SACS: variants seen among roughly 807,000 people sequenced by gnomAD.
SACS encodes sacsin molecular chaperone.
Under a neutral mutation model 348.0 loss-of-function variants are expected in SACS, and 197 were observed. The ratio of observed to expected loss-of-function variants is 0.57; its 90% confidence interval spans 0.50 to 0.64. The LOEUF is 0.64. Ranked by LOEUF, SACS falls within the 30% of genes least tolerant of loss-of-function variation. The probability of loss-of-function intolerance (pLI) is 0.00; values close to 1 mark genes in which losing one functional copy is unlikely to be tolerated. For missense variants in SACS, 4,999 were observed against 5,360.8 expected (o/e 0.93, Z 2.11); for synonymous variants, 1,985 against 1,910.6 (o/e 1.04, Z -1.02).
rs1192682879 is a variant in SACS, at chr13:23,340,176, A to T, written c.3700T>A (p.Trp1234Arg). The part of the protein sequence containing the change: ...VLKHFKIVVD[W>R]YSSKTFSDED... ...TCACTAAAGGTTTTTGAAGAATACCAATCAACAACAATTTTAAAGTGTTTT... is the reference window on the plus strand; with the variant it reads ...TCACTAAAGGTTTTTGAAGAATACCTATCAACAACAATTTTAAAGTGTTTT... The change falls in exon 10 of 10, where the codon TGG becomes AGG. Residue 1234 changes from tryptophan (W) to arginine (R), a missense_variant. Trp to Arg is a moderately radical substitution (Grantham distance 101). This residue lies in a region of SACS where 3,156 missense variants were observed against 3,380.1 expected (regional missense o/e 0.93). Coordinates refer to ENST00000382292, the MANE Select transcript of SACS (RefSeq NM_014363.6). 3 of 1,612,942 alleles carry T rather than the reference A, an allele frequency of 1.9e-6. No homozygotes were observed. Among genetic ancestry groups the T allele is most frequent in the Non-Finnish European group, 2.5e-6 (3 of 1,179,328 alleles).
Position 23,339,018 on chromosome 13 carries a change from G to C in SACS, c.4858C>G (p.Pro1620Ala). ...RLRKFPNQFK[P>A]FIDVFGCQLP... ...TGACAGCCAAATACATCTATAAATG[G>C]TTTGAACTGATTAGGAAATTTTCTA... Residue 1620 changes from proline (P) to alanine (A), a missense_variant, in exon 10 of 10, where the codon CCA becomes GCA. Physicochemically the swap from Pro to Ala is conservative, Grantham distance 27. This residue lies in a region of SACS where 3,156 missense variants were observed against 3,380.1 expected (regional missense o/e 0.93). Coordinates refer to ENST00000382292, the MANE Select transcript of SACS (RefSeq NM_014363.6). The C allele has an allele frequency of 6.2e-7, 1 of 1,613,752 alleles. No homozygotes were observed. The highest frequency in any genetic ancestry group is 2.2e-5 in the East Asian group (1 of 44,872).
intron 2 of SACS, among the ~76,000 whole-genome samples, chr13:23,385,835 G>C (rs1408060478): frequency 1.3e-5 from 2 of 152,214 alleles, no homozygotes; most frequent in Non-Finnish European, 2.9e-5. Context: ...GTGGGCTGCA[G>C]AATGGATGCT....
chr13:23,341,761 AAC>A (rs1160541539), intron 9 of SACS, 71 bp from the exon 10 acceptor site: 7 of 1,253,440 alleles, frequency 5.6e-6, no homozygotes, highest in East Asian at 2.4e-5. Context: ...TCTCACAAAT[AAC>A]ACAGTACTGG....
Position 23,355,413 on chromosome 13 carries a change from C to A in SACS, c.1199G>T (p.Gly400Val). 1 of 1,614,132 alleles carries A rather than the reference C, an allele frequency of 6.2e-7. No homozygotes were observed. Among genetic ancestry groups the A allele is most frequent in the Non-Finnish European group, 8.5e-7 (1 of 1,180,036 alleles). Residue 400 changes from glycine to valine, a missense_variant, in exon 8 of 10, where the codon GGG (glycine) becomes GTG (valine). Around this residue, in one of 6 missense-constraint regions of SACS, gnomAD observed 3,156 missense variants for 3,380.1 expected, o/e 0.93. Coordinates refer to ENST00000382292, the MANE Select transcript of SACS (RefSeq NM_014363.6). ...GTCAAGCTTACTACTGATCCCTCGC[C>A]CACCCACACTGTTACACACCAACCA... ...TSWLVCNSVG[G>V]RGISSKLDSL...
intron 4 of SACS, among the ~76,000 whole-genome samples, chr13:23,369,096 G>A (rs971993178): frequency 3.3e-5 from 5 of 152,194 alleles, no homozygotes; most frequent in Admixed American, 1.3e-4. Context: ...CAGTGGGGAG[G>A]AGTGTTGATA....
rs578061784 is a variant in SACS, at chr13:23,389,264, T to C, written c.21-13995A>G. On this transcript the variant is annotated intron_variant, in intron 2 of 9. Transcript: ENST00000382292. ...TTACAGGAAGGCTTTAAATAGTTAC[T>C]GTGCTCCTGAAATGATGTGAAAGGT... is the stretch of plus-strand genomic sequence containing the variant. Among the ~76,000 whole-genome samples the C allele has an allele frequency of 5.9e-5, 9 of 152,286 alleles. No homozygotes were observed. In the South Asian group the frequency reaches 1.9e-3, roughly 32 times the overall value.
At position 23,330,588 on chromosome 13, in the gene SACS, G is replaced by C; in HGVS notation, c.13288C>G (p.Gln4430Glu). Residue 4430 changes from glutamine (Q) to glutamate (E), a missense_variant, in exon 10 of 10, where the codon CAA (glutamine) becomes GAA (glutamate). This residue lies in a region of SACS where 254 missense variants were observed against 275.1 expected (regional missense o/e 0.92). Transcript: ENST00000382292. ...CPPSAGQTYS[Q>E]RFFVPPTFKS... ...AAAGTGGGAGGAACAAAGAACCTTT[G>C]AGAGTAAGTCTGTCCGGCTGAAGGG... 6.2e-7 allele frequency: 1 copy of C among 1,614,020 alleles called. No homozygotes were observed. Among genetic ancestry groups the C allele is most frequent in the Non-Finnish European group, 8.5e-7 (1 of 1,180,000 alleles).
intron 3 of SACS, among the ~76,000 whole-genome samples, chr13:23,374,843 T>TA (rs1046174774): frequency 1.6e-4 from 23 of 146,502 alleles, no homozygotes; most frequent in African/African-American, 2.2e-4. Flanking sequence ...TGATGATGTC[T>TA]AAAAAAAAAA....
chr13:23,396,272 C>G (rs969866401), intron 2 of SACS, among the ~76,000 whole-genome samples: 2 of 147,094 alleles, frequency 1.4e-5, no homozygotes, highest in Non-Finnish European at 3.0e-5. Context: ...TGCAGTGAGC[C>G]AAGAGTGTGC....
chr13:23,352,919 G>T (rs1870060027), intron 9 of SACS, among the ~76,000 whole-genome samples: 1 of 151,994 alleles, frequency 6.6e-6, no homozygotes, highest in Non-Finnish European at 1.5e-5. Context: ...ATGAATAAAG[G>T]TGTACAATGA....
In SACS at chr13:23,388,568, T is replaced by C. The variant is rs937131973; in HGVS notation, c.21-13299A>G. On this transcript the variant is annotated intron_variant, in intron 2 of 9. Transcript: ENST00000382292. ...AAAAAAACAAACAAATAAAATAATG[T>C]CTTTTGCAGCAAATTTGGATGGAAC... 4.0e-5 allele frequency among the ~76,000 whole-genome samples: 6 copies of C among 150,594 alleles called. No individual in the cohort carries two copies. In the South Asian group the frequency reaches 1.0e-3, roughly 26 times the overall value.
At chr13:23,412,535 T>C (rs1195073531) in intron 1 of SACS, among the ~76,000 whole-genome samples, 1 of 150,820 alleles carries the variant, frequency 6.6e-6, no homozygotes, top group Non-Finnish European at 1.5e-5. Context: ...TGCCTCAGCC[T>C]CCTGAGTAGC....
chr13:23,379,333 T>C (rs1338291376), intron 2 of SACS, among the ~76,000 whole-genome samples: 1 of 152,192 alleles, frequency 6.6e-6, no homozygotes, highest in Admixed American at 6.5e-5. Context: ...GGCACTGGTG[T>C]CCCGACAAAG....
intron 2 of SACS, among the ~76,000 whole-genome samples, chr13:23,392,340 G>A (rs1171988961): frequency 6.6e-6 from 1 of 152,220 alleles, no homozygotes; most frequent in African/African-American, 2.4e-5. Flanking sequence ...AATCAACAAA[G>A]TGGGATTAGA....
intron 2 of SACS, among the ~76,000 whole-genome samples, chr13:23,389,204 A>T (rs1016878164): frequency 1.3e-5 from 2 of 152,078 alleles, no homozygotes; most frequent in Non-Finnish European, 2.9e-5. Context: ...GTGTGTGTAT[A>T]TAGCCTGTGT....
intron 4 of SACS, among the ~76,000 whole-genome samples, chr13:23,368,690 G>A (rs1466893289): frequency 6.6e-6 from 1 of 151,712 alleles, no homozygotes; most frequent in Non-Finnish European, 1.5e-5. Context: ...ATCTCAAGTT[G>A]TTTTGTTTTG....
At chr13:23,371,377 T>C (rs1260628703) in intron 3 of SACS, among the ~76,000 whole-genome samples, 1 of 152,216 alleles carries the variant, frequency 6.6e-6, no homozygotes, top group African/African-American at 2.4e-5. Context: ...TTTTCGTTAA[T>C]TACAAATAGA....
At chr13:23,425,408 A>T (rs753624680) in intron 1 of SACS, among the ~76,000 whole-genome samples, 4 of 152,060 alleles carry the variant, frequency 2.6e-5, no homozygotes, top group Non-Finnish European at 4.4e-5. Context: ...CCTGATGTTT[A>T]TGCAGGGACT....
At chr13:23,378,389 C>G (rs1566093468) in intron 2 of SACS, among the ~76,000 whole-genome samples, 2 of 152,166 alleles carry the variant, frequency 1.3e-5, no homozygotes, top group Admixed American at 1.3e-4. Flanking sequence ...GCTGCACCCA[C>G]CATTTCAAGG....
Sources: gnomAD v4.1 joint callset for allele counts (sites outside exome capture counted in the v4.1 genomes callset) on GRCh38, gnomAD v4.1.1 for gene constraint, gnomAD v4.1.1 regional missense constraint, MANE v1.5 for transcripts, NCBI Gene and HGNC (gene_info 2026-07-23, HGNC 2026-07-21) for gene names.